PDHB: variants seen among roughly 807,000 people sequenced by gnomAD.
The protein encoded by PDHB is pyruvate dehydrogenase E1 component subunit beta, mitochondrial.
PDHB carries 17 observed loss-of-function variants against 42.8 expected under a neutral mutation model. The observed-to-expected ratio is 0.40, with a 90% confidence interval of 0.27 to 0.60. The LOEUF (loss-of-function observed/expected upper bound fraction) is 0.60, where lower values mean the gene tolerates loss of function less well. PDHB is among the 20% of genes least tolerant of loss of function. PDHB has a pLI of 0.46. For missense variants in PDHB, 322 were observed against 451.3 expected (o/e 0.71, Z 2.60); for synonymous variants, 154 against 148.7 (o/e 1.04, Z -0.26).
In PDHB at chr3:58,433,814, G is replaced by C. The variant is rs367624729; in HGVS notation, c.-5C>G. On this transcript the variant is annotated 5_prime_UTR_variant, in exon 1 of 10. Coordinates refer to ENST00000302746, the MANE Select transcript of PDHB (RefSeq NM_000925.4). ...CAAGCCAGACACCGCCGCCATCTTGGTCGTGTCCTCTATCCGCTGCCAAAC... is the reference window on the plus strand; with the variant it reads ...CAAGCCAGACACCGCCGCCATCTTGCTCGTGTCCTCTATCCGCTGCCAAAC... 9.4e-5 allele frequency: 152 copies of C among 1,610,336 alleles called. No individual in the cohort carries two copies. The highest frequency in any genetic ancestry group is 1.2e-4 in the Non-Finnish European group (145 of 1,178,972).
At chr3:58,428,238 G>A in intron 9 of PDHB, 59 bp from the exon 10 acceptor site, 1 of 1,507,834 alleles carries the variant, frequency 6.6e-7, no homozygotes, top group Admixed American at 1.7e-5. Flanking sequence ...CTACCACCTT[G>A]GCACAGAGGT....
chr3:58,428,597 G>A lies in PDHB; in HGVS notation c.810C>T (p.Thr270=), dbSNP rs1444305170. The A allele has an allele frequency of 1.9e-6, 3 of 1,613,182 alleles. No individual in the cohort carries two copies. The South Asian group carries it at 3.3e-5, about 18-fold the overall frequency. ...TGGTTTCCATGTCCATTGGTCTAAT[G>A]GTACGCATATTTATCACCTAAACAG... ...GVECEVINMR[T]IRPMDMETIE... The change falls in exon 9 of 10, where the codon ACC becomes ACT. Residue 270 remains threonine, a synonymous_variant. Transcript: ENST00000302746.
intron 9 of PDHB, 103 bp downstream of exon 9, chr3:58,428,370 G>A (rs1265033365): frequency 7.3e-6 from 10 of 1,371,954 alleles, no homozygotes; most frequent in Non-Finnish European, 9.4e-6. Context: ...AGTTGAAGTC[G>A]TTTGGCCACT....
intron 8 of PDHB, among the ~76,000 whole-genome samples, chr3:58,429,467 A>C (rs1301448683): frequency 6.6e-6 from 1 of 151,848 alleles, no homozygotes; most frequent in African/African-American, 2.4e-5. Flanking sequence ...TATCACTGAG[A>C]ACCAGAAGAG....
At chr3:58,433,531 C>A in intron 2 of PDHB, 100 bp downstream of exon 2, 36 of 1,326,694 alleles carry the variant, frequency 2.7e-5, no homozygotes, top group Non-Finnish European at 3.7e-5. Context: ...CCAAGGCCCA[C>A]GGCGCCGGAA....
Position 58,427,729 on chromosome 3 carries a change from A to ATCTT in PDHB, c.*301_*304dup. On this transcript the variant is annotated 3_prime_UTR_variant, in exon 10 of 10. Coordinates refer to ENST00000302746, the MANE Select transcript of PDHB (RefSeq NM_000925.4). ...CATATAAGTTATCTTGTTTGGATAC[A>ATCTT]TCTTTCATGAGGACTCTGCCACATC... is the stretch of plus-strand genomic sequence containing the variant. The ATCTT allele has an allele frequency of 4.1e-6, 2 of 487,576 alleles. No individual in the cohort carries two copies. The highest frequency in any genetic ancestry group is 1.6e-5 in the South Asian group (1 of 63,876). The allele number at this position is 487,576 out of a possible 1,614,324, so 30.2% of individuals were successfully genotyped here. A position where few individuals can be genotyped will look rare whatever the true frequency, so the allele number is the denominator to read the frequency against.
At position 58,433,648 on chromosome 3, in the gene PDHB, C is replaced by G; in HGVS notation, c.79G>C (p.Ala27Pro). 6.2e-7 allele frequency: 1 copy of G among 1,611,950 alleles called. No homozygotes were observed. The highest frequency in any genetic ancestry group is 8.5e-7 in the Non-Finnish European group (1 of 1,179,494). Residue 27 changes from alanine (A) to proline (P), a missense_variant, in exon 2 of 10, where the codon GCG becomes CCG. Ala to Pro is a conservative substitution (Grantham distance 27, BLOSUM62 -1). This residue lies in a region of PDHB where 58 missense variants were observed against 42.1 expected (regional missense o/e 1.38). Coordinates refer to ENST00000302746, the MANE Select transcript of PDHB (RefSeq NM_000925.4). ...GLLKRRFHWT[A>P]PAALQVTVRD... ...CCTGTTACCTGCAGCGCAGCCGGCG[C>G]GGTCCAGTGAAAGCGCCTCTTCAGC...
intron 2 of PDHB, 159 bp downstream of exon 2, chr3:58,433,472 C>A: frequency 1.3e-6 from 1 of 757,978 alleles, no homozygotes. Context: ...AATTGCCAGG[C>A]GGCGACAGAG....
intron 6 of PDHB, 30 bp downstream of exon 6, chr3:58,430,627 C>CA (rs755066528): frequency 4.4e-5 from 70 of 1,595,734 alleles, no homozygotes; most frequent in Middle Eastern, 2.1e-4. Flanking sequence ...TTTCAATCTT[C>CA]AAAAAAAACC....
chr3:58,430,559 T>G lies in PDHB; in HGVS notation c.589+98A>C, dbSNP rs182733445. On this transcript the variant is annotated intron_variant, in intron 6 of 9. Coordinates refer to ENST00000302746, the MANE Select transcript of PDHB (RefSeq NM_000925.4). ...AAGTATTAACATTCTATACGATATA[T>G]CTAAGCCTAACTAAAAGACTTTAAT... 9.3e-6 allele frequency: 9 copies of G among 967,842 alleles called. No homozygotes were observed. The East Asian group carries it at 2.2e-4, about 23-fold the overall frequency. 60.0% of individuals were successfully genotyped at this position (967,842 alleles called of 1,614,324 possible).
intron 2 of PDHB, chr3:58,433,315 A>C (rs2062940122): frequency 3.7e-6 from 2 of 543,992 alleles, no homozygotes; most frequent in Non-Finnish European, 6.6e-6. Context: ...AATGCCACTG[A>C]ATTATACACT....
In PDHB at chr3:58,431,270, T is replaced by C. The variant is rs573561603; in HGVS notation, c.303+323A>G. 2.2e-4 allele frequency: 99 copies of C among 459,796 alleles called. No homozygotes were observed. The highest frequency in any genetic ancestry group is 1.9e-3 in the Middle Eastern group (3 of 1,586). The allele number at this position is 459,796 out of a possible 1,614,324, so 28.5% of individuals were successfully genotyped here. The stretch of plus-strand genomic sequence containing the variant: ...AGGTGATGTTAAATCTCTTTGGGGA[T>C]GGGCACAGTGGCTCACGCCTGTAAT... On this transcript the variant is annotated intron_variant, in intron 5 of 9. Transcript: ENST00000302746. This position sits in a 1 kb window ranked among gnomAD's most constrained non-coding sequence, Gnocchi z 4.4.
intron 2 of PDHB, chr3:58,432,201 G>C: frequency 1.8e-6 from 1 of 571,354 alleles, no homozygotes; most frequent in Non-Finnish European, 3.2e-6. Flanking sequence ...TAGGTGCCAA[G>C]TACTGCCAAA....
At chr3:58,430,034 C>CG in intron 7 of PDHB, 94 bp downstream of exon 7, 1 of 806,936 alleles carries the variant, frequency 1.2e-6, no homozygotes, top group Middle Eastern at 2.2e-4. Flanking sequence ...TATAATTTTT[C>CG]AGTCAAAGTA....
Position 58,433,832 on chromosome 3 carries a change from T to C in PDHB, c.-23A>G, listed in dbSNP as rs1338305802. The C allele has an allele frequency of 6.2e-7, 1 of 1,606,578 alleles. No homozygotes were observed. Among genetic ancestry groups the C allele is most frequent in the Non-Finnish European group, 8.5e-7 (1 of 1,177,378 alleles). On this transcript the variant is annotated 5_prime_UTR_variant, in exon 1 of 10. Transcript: ENST00000302746. ...CATCTTGGTCGTGTCCTCTATCCGC[T>C]GCCAAACGACAACAGAGGGGCCGGC...
Position 58,431,712 on chromosome 3 carries a change from T to C in PDHB, c.267+19A>G, listed in dbSNP as rs1247140000. The C allele has an allele frequency of 2.4e-5, 38 of 1,607,026 alleles. No individual in the cohort carries two copies. The highest frequency in any genetic ancestry group is 4.0e-5 in the African/African-American group (3 of 74,794). The stretch of plus-strand genomic sequence containing the variant: ...AACAGACATGCCCTCCAGGGTCTGC[T>C]TCCCACTGGAAGGCTTACCTCTGAT... On this transcript the variant is annotated intron_variant, in intron 4 of 9. Coordinates refer to ENST00000302746, the MANE Select transcript of PDHB (RefSeq NM_000925.4). The surrounding 1 kb of genome is among the most constrained non-coding windows in gnomAD (Gnocchi z 4.4).
intron 7 of PDHB, 90 bp downstream of exon 7, chr3:58,430,038 C>T: frequency 1.2e-6 from 1 of 835,388 alleles, no homozygotes; most frequent in Non-Finnish European, 2.0e-6. Context: ...ATTTTTCAGT[C>T]AAAGTAAATG....
In PDHB at chr3:58,431,887, C is replaced by G; in HGVS notation, c.194G>C (p.Gly65Ala). The G allele has an allele frequency of 6.2e-7, 1 of 1,611,616 alleles. No individual in the cohort carries two copies. The highest frequency in any genetic ancestry group is 8.5e-7 in the Non-Finnish European group (1 of 1,177,734). Residue 65 changes from glycine to alanine, a missense_variant, in exon 3 of 10, where the codon GGG becomes GCG. By Grantham distance (60) the Gly-to-Ala change is moderately conservative. Coordinates refer to ENST00000302746, the MANE Select transcript of PDHB (RefSeq NM_000925.4). The surrounding 1 kb of genome is among the most constrained non-coding windows in gnomAD (Gnocchi z 4.4). ...LLGEEVAQYD[G>A]AYKVSRGLWK... ...ATATATTTTAGTTACCTTGTATGCC[C>G]CATCATACTGGGCAACTTCTTCTCC...
Position 58,427,963 on chromosome 3 carries a change from C to T in PDHB, c.*71G>A, listed in dbSNP as rs758137448. ...TTCCGTTATGAATAGTCAGGTCTTG[C>T]AGTACAAATCCAGGTGCAGTGCCAG... On this transcript the variant is annotated 3_prime_UTR_variant, in exon 10 of 10. Coordinates refer to ENST00000302746, the MANE Select transcript of PDHB (RefSeq NM_000925.4). The T allele has an allele frequency of 5.4e-6, 6 of 1,113,712 alleles. No individual in the cohort carries two copies. The highest frequency in any genetic ancestry group is 8.1e-6 in the Non-Finnish European group (6 of 740,282). 69.0% of individuals were successfully genotyped at this position (1,113,712 alleles called of 1,614,324 possible). A position where few individuals can be genotyped will look rare whatever the true frequency, so the allele number is the denominator to read the frequency against.
Sources: allele counts gnomAD v4.1 joint callset (sites outside exome capture counted in the v4.1 genomes callset), GRCh38; gene constraint gnomAD v4.1.1; regional missense constraint gnomAD v4.1.1; non-coding constraint Gnocchi (gnomAD v3.1); transcripts MANE v1.5; gene names NCBI Gene and HGNC (gene_info 2026-07-23, HGNC 2026-07-21).